CDA: variants seen among roughly 807,000 people sequenced by gnomAD.
CDA encodes the protein cytidine aminohydrolase.
In CDA, 7 loss-of-function variants were observed where a neutral mutation model predicts 15.0. That is an observed-to-expected ratio of 0.47 (90% CI 0.26 to 0.87). CDA has a LOEUF of 0.87. Among genes scored for constraint, CDA ranks in the 40% least tolerant of loss-of-function variants. CDA has a pLI of 0.15. For missense variants in CDA, 159 were observed against 182.7 expected (o/e 0.87, Z 0.75); for synonymous variants, 58 against 73.0 (o/e 0.79, Z 1.05).
chr1:20,604,993 G>T lies in CDA; in HGVS notation c.220G>T (p.Ala74Ser), dbSNP rs755241746. Reference sequence around the variant, plus strand: ...TGCTGAACGGACCGCTATCCAGAAGGCCGTCTCAGAAGGGTACAAGGATTT... The same window carrying T: ...TGCTGAACGGACCGCTATCCAGAAGTCCGTCTCAGAAGGGTACAAGGATTT... ...ICAERTAIQK[A>S]VSEGYKDFRA... The change falls in exon 2 of 4, where the codon GCC becomes TCC. Residue 74 changes from alanine (A) to serine (S), a missense_variant. Ala to Ser is a moderately conservative substitution (Grantham distance 99). Coordinates refer to ENST00000375071, the MANE Select transcript of CDA (RefSeq NM_001785.3). 6.2e-7 allele frequency: 1 copy of T among 1,614,028 alleles called. No homozygotes were observed. Among genetic ancestry groups the T allele is most frequent in the East Asian group, 2.2e-5 (1 of 44,874 alleles).
chr1:20,594,151 A>G (rs1397863346), intron 1 of CDA, among the ~76,000 whole-genome samples: 1 of 152,194 alleles, frequency 6.6e-6, no homozygotes, highest in Non-Finnish European at 1.5e-5. Flanking sequence ...TTCCCCCTCC[A>G]AGGCAGCTGG....
chr1:20,598,612 C>G (rs1168135789), intron 1 of CDA, among the ~76,000 whole-genome samples: 2 of 152,230 alleles, frequency 1.3e-5, no homozygotes, highest in African/African-American at 4.8e-5. Context: ...GGCGAGGGCC[C>G]TCTTTCTGAC....
Position 20,610,269 on chromosome 1 carries a change from TTTTTATTTTATTTTATTTTTA to T in CDA, c.267-3568_267-3548del, listed in dbSNP as rs1385576261. On this transcript the variant is annotated intron_variant, in intron 2 of 3. Transcript: ENST00000375071. ...TTCTAGGCACACATTATCTTTTTTT[TTTTTATTTTATTTTATTTTTA>T]TTTTTATTTATTTATTTTTATTTTT... is the stretch of plus-strand genomic sequence containing the variant. 2.1e-3 allele frequency among the ~76,000 whole-genome samples: 255 copies of T among 123,472 alleles called. 2 individuals carry two copies. The highest frequency in any genetic ancestry group is 4.0e-3 in the Non-Finnish European group (217 of 53,948). 81.0% of individuals were successfully genotyped at this position (123,472 alleles called of 152,430 possible). A position where few individuals can be genotyped will look rare whatever the true frequency, so the allele number is the denominator to read the frequency against.
chr1:20,595,182 G>A (rs979711800), intron 1 of CDA, among the ~76,000 whole-genome samples: 23 of 151,974 alleles, frequency 1.5e-4, no homozygotes, highest in South Asian at 2.1e-4. Flanking sequence ...TTTCCTCTCC[G>A]TCTGCCATTT....
At chr1:20,604,067 G>A (rs529425378) in intron 1 of CDA, among the ~76,000 whole-genome samples, 5 of 152,218 alleles carry the variant, frequency 3.3e-5, no homozygotes, top group Non-Finnish European at 4.4e-5. Flanking sequence ...AATTGATTTC[G>A]TTGTTAGTTG....
chr1:20,607,107 A>G (rs1231627585), intron 2 of CDA, among the ~76,000 whole-genome samples: 3 of 152,060 alleles, frequency 2.0e-5, no homozygotes, highest in East Asian at 3.9e-4. Context: ...GAGCTACAGC[A>G]CCTTTCTGGC....
At chr1:20,592,034 G>T (rs1350253589) in intron 1 of CDA, among the ~76,000 whole-genome samples, 3 of 151,910 alleles carry the variant, frequency 2.0e-5, no homozygotes, top group Non-Finnish European at 4.4e-5. Context: ...TAGAGACAGG[G>T]TTTCATCATG....
intron 2 of CDA, 108 bp from the exon 3 acceptor site, chr1:20,613,733 TG>T: frequency 1.0e-6 from 1 of 999,150 alleles, no homozygotes; most frequent in Non-Finnish European, 1.6e-6. Context: ...AACTGCCTGA[TG>T]GGGTATGACC....
intron 1 of CDA, among the ~76,000 whole-genome samples, chr1:20,598,929 G>T (rs1203475110): frequency 6.6e-6 from 1 of 152,196 alleles, no homozygotes; most frequent in Non-Finnish European, 1.5e-5. Flanking sequence ...CCCTCAGAAA[G>T]TTTGTAATAT....
At chr1:20,590,038 A>G (rs374657141) in intron 1 of CDA, among the ~76,000 whole-genome samples, 2 of 152,324 alleles carry the variant, frequency 1.3e-5, no homozygotes, top group East Asian at 1.9e-4. Context: ...CAAAAATTCA[A>G]GCTTGTTTTT....
chr1:20,593,738 C>A (rs1027995004), intron 1 of CDA, among the ~76,000 whole-genome samples: 3 of 152,200 alleles, frequency 2.0e-5, no homozygotes, highest in African/African-American at 4.8e-5. Context: ...CCATGCCCAG[C>A]TAATCTTTTT....
chr1:20,590,171 T>C (rs541486335), intron 1 of CDA, among the ~76,000 whole-genome samples: 11 of 152,280 alleles, frequency 7.2e-5, no homozygotes, highest in African/African-American at 2.6e-4. Context: ...TAAACATCTT[T>C]GAGTGGGAGA....
At chr1:20,607,876 C>T (rs1454842087) in intron 2 of CDA, among the ~76,000 whole-genome samples, 1 of 152,188 alleles carries the variant, frequency 6.6e-6, no homozygotes, top group African/African-American at 2.4e-5. Context: ...GAGAACCCCT[C>T]TCAGGTCTTT....
intron 2 of CDA, among the ~76,000 whole-genome samples, chr1:20,609,566 G>A (rs2052727069): frequency 6.6e-6 from 1 of 152,164 alleles, no homozygotes; most frequent in Admixed American, 6.5e-5. Context: ...ATGAAAGGAA[G>A]GCTGAATTTC....
At chr1:20,601,184 G>A (rs2052640449) in intron 1 of CDA, among the ~76,000 whole-genome samples, 1 of 152,126 alleles carries the variant, frequency 6.6e-6, no homozygotes, top group Admixed American at 6.6e-5. Context: ...CCATTCTTCT[G>A]AGTGTCCATT....
intron 1 of CDA, among the ~76,000 whole-genome samples, chr1:20,594,658 A>G (rs143786694): frequency 0.071 from 10,718 of 151,872 alleles, 656 homozygotes; most frequent in East Asian, 0.25. Flanking sequence ...GTATGGTGGT[A>G]GGTGCCTGTA....
intron 2 of CDA, among the ~76,000 whole-genome samples, chr1:20,612,539 A>C (rs1442038758): frequency 1.3e-5 from 2 of 151,738 alleles, no homozygotes; most frequent in Non-Finnish European, 2.9e-5. Flanking sequence ...AACCCCCTTT[A>C]ACTGTAATTT....
chr1:20,611,718 G>A (rs184314127), intron 2 of CDA, among the ~76,000 whole-genome samples: 9 of 152,340 alleles, frequency 5.9e-5, no homozygotes, highest in Non-Finnish European at 1.0e-4. Context: ...GTCCTGCTCA[G>A]AGCTGGAGGT....
intron 1 of CDA, among the ~76,000 whole-genome samples, chr1:20,602,157 A>C (rs1012611345): frequency 6.0e-5 from 1 of 16,774 alleles, no homozygotes; most frequent in South Asian, 2.2e-3. Flanking sequence ...AAAGGAGGGG[A>C]GGGGAGGGGA....
Sources: allele counts gnomAD v4.1 joint callset (sites outside exome capture counted in the v4.1 genomes callset), GRCh38; gene constraint gnomAD v4.1.1; transcripts MANE v1.5; gene names NCBI Gene and HGNC (gene_info 2026-07-23, HGNC 2026-07-21).